Variants in MROH1 observed in about 807,000 individuals in gnomAD.
MROH1 encodes maestro heat-like repeat-containing protein family member 1.
MROH1 carries 117 observed loss-of-function variants against 116.5 expected under a neutral mutation model. The observed-to-expected ratio is 1.00, with a 90% CI of 0.86 to 1.17. The LOEUF (loss-of-function observed/expected upper bound fraction) is 1.17, where lower values mean the gene tolerates loss of function less well. MROH1 is among the 50% of genes most tolerant of loss of function. The pLI, the probability that MROH1 is intolerant of heterozygous loss-of-function variation, is 0.00. For missense variants in MROH1, 1,873 were observed against 1,338.5 expected (o/e 1.40, Z -6.23); for synonymous variants, 921 against 583.9 (o/e 1.58, Z -8.32).
intron 4 of MROH1, among the ~76,000 whole-genome samples, chr8:144,177,856 C>T (rs928637161): frequency 6.6e-5 from 10 of 152,138 alleles, no homozygotes; most frequent in East Asian, 3.8e-4. Flanking sequence ...TTTTCCACCA[C>T]GATTGTGTTT....
At chr8:144,194,718 A>G (rs1047315152) in intron 10 of MROH1, among the ~76,000 whole-genome samples, 12 of 151,670 alleles carry the variant, frequency 7.9e-5, no homozygotes, top group Admixed American at 6.6e-5. Flanking sequence ...TTCGAGACCA[A>G]CCTGGGCAAC....
intron 7 of MROH1, among the ~76,000 whole-genome samples, chr8:144,184,579 C>A (rs529771120): frequency 1.3e-5 from 2 of 152,346 alleles, no homozygotes; most frequent in Admixed American, 1.3e-4. Context: ...AGAAACAAAA[C>A]TGTAACCATT....
intron 4 of MROH1, among the ~76,000 whole-genome samples, chr8:144,170,672 A>G (rs770100143): frequency 1.3e-5 from 2 of 152,154 alleles, no homozygotes; most frequent in Middle Eastern, 3.2e-3. Flanking sequence ...GTCCTGGGGT[A>G]CTCCTGGAGC....
intron 35 of MROH1, among the ~76,000 whole-genome samples, chr8:144,258,053 G>A (rs1844239498): frequency 6.6e-6 from 1 of 152,204 alleles, no homozygotes; most frequent in Non-Finnish European, 1.5e-5. Flanking sequence ...GCCTCAGCAG[G>A]GAAGGGCTCA....
intron 14 of MROH1, among the ~76,000 whole-genome samples, chr8:144,235,970 G>A (rs1839971909): frequency 1.3e-5 from 2 of 152,166 alleles, no homozygotes; most frequent in African/African-American, 2.4e-5. Flanking sequence ...TAGTCCAGAT[G>A]TTGGAATCAG....
chr8:144,151,758 T>C (rs962952802), intron 1 of MROH1, among the ~76,000 whole-genome samples: 3 of 152,146 alleles, frequency 2.0e-5, no homozygotes, highest in Non-Finnish European at 2.9e-5. Flanking sequence ...TAAACATTCA[T>C]CCCTAGATAC....
rs974154014 is a variant in MROH1, at chr8:144,182,559, C to T, written c.562+2036C>T. On this transcript the variant is annotated intron_variant, in intron 7 of 43. Transcript: ENST00000326134. This position sits in a 1 kb window ranked among gnomAD's most constrained non-coding sequence, Gnocchi z 4.1. ...GCCACATTGAGAGAATAAAACTGAC[C>T]TTCTGTGAATTAAAGATGCCATAAT... Among the ~76,000 whole-genome samples, 4 of 152,066 alleles carry T rather than the reference C, an allele frequency of 2.6e-5. No individual in the cohort carries two copies. Among genetic ancestry groups the T allele is most frequent in the African/African-American group, 9.7e-5 (4 of 41,412 alleles).
chr8:144,154,985 T>G (rs921193629), intron 1 of MROH1, among the ~76,000 whole-genome samples: 17 of 152,142 alleles, frequency 1.1e-4, no homozygotes, highest in African/African-American at 3.9e-4. Context: ...GCCTGGCTAA[T>G]TTTTGTATTT....
chr8:144,179,209 C>T (rs951193624), intron 4 of MROH1, among the ~76,000 whole-genome samples: 5 of 152,048 alleles, frequency 3.3e-5, no homozygotes, highest in African/African-American at 1.2e-4. Flanking sequence ...AGAAGCCCCC[C>T]GCCTCGCCCT....
At chr8:144,214,204 C>T (rs1217864111) in intron 12 of MROH1, 1 of 152,252 alleles carries the variant, frequency 6.6e-6, no homozygotes, top group African/African-American at 2.4e-5. Flanking sequence ...TCCCACATAG[C>T]CAGCTCTCTT....
At chr8:144,261,605 G>A in intron 43 of MROH1, 50 bp from the exon 44 acceptor site, 1 of 701,528 alleles carries the variant, frequency 1.4e-6, no homozygotes, top group South Asian at 1.5e-5. Flanking sequence ...GCGCAGGCAT[G>A]GGCATGCCGA....
chr8:144,259,222 A>G lies in MROH1; in HGVS notation c.3930-18A>G. On this transcript the variant is annotated intron_variant, in intron 36 of 43. Coordinates refer to ENST00000326134, the MANE Select transcript of MROH1 (RefSeq NM_032450.3). ...GCACAGCAACAGCCCCTGCACCCTCAGCGGCCCCCTTTCCCAGGGCCATGG... is the reference window on the plus strand; with the variant it reads ...GCACAGCAACAGCCCCTGCACCCTCGGCGGCCCCCTTTCCCAGGGCCATGG... 1.4e-6 allele frequency: 1 copy of G among 711,770 alleles called. No homozygotes were observed. Among genetic ancestry groups the G allele is most frequent in the Middle Eastern group, 3.6e-4 (1 of 2,740 alleles). The allele number at this position is 711,770 out of a possible 1,614,324, so 44.1% of individuals were successfully genotyped here.
In MROH1 at chr8:144,190,902, C is replaced by G; in HGVS notation, c.681C>G (p.Leu227=). ...ATDIFSAYDV[L]FHQWLQSREA... is the part of the protein sequence containing the mutation. ...ACATCTTCAGCGCCTACGATGTTCT[C>G]TTCCATCAGTGGCTGCAGAGTCGAG... Residue 227 remains leucine (L), a synonymous_variant, in exon 8 of 44, where the codon CTC becomes CTG. Coordinates refer to ENST00000326134, the MANE Select transcript of MROH1 (RefSeq NM_032450.3). 1 of 1,613,638 alleles carries G rather than the reference C, an allele frequency of 6.2e-7. No individual in the cohort carries two copies. Among genetic ancestry groups the G allele is most frequent in the East Asian group, 2.2e-5 (1 of 44,890 alleles).
chr8:144,223,503 G>A (rs1837233721), intron 14 of MROH1, among the ~76,000 whole-genome samples: 1 of 152,150 alleles, frequency 6.6e-6, no homozygotes, highest in South Asian at 2.1e-4. Flanking sequence ...AGCCCCCCAA[G>A]ACTACAGGCA....
intron 21 of MROH1, 85 bp downstream of exon 21, chr8:144,241,196 G>C (rs996924372): frequency 9.3e-5 from 66 of 706,408 alleles, no homozygotes; most frequent in African/African-American, 4.0e-4. Context: ...CAGCTGGCTA[G>C]CCTGTGTGCC....
At chr8:144,212,883 ATCTAACC>A in intron 12 of MROH1, 2 of 649,468 alleles carry the variant, frequency 3.1e-6, no homozygotes, top group Non-Finnish European at 5.7e-6. Context: ...GAGCCACCGC[ATCTAACC>A]TCTTTTCTGT....
At chr8:144,210,696 C>CTA (rs1339230501) in intron 12 of MROH1, among the ~76,000 whole-genome samples, 10 of 151,824 alleles carry the variant, frequency 6.6e-5, no homozygotes, top group African/African-American at 2.2e-4. Flanking sequence ...CTCTCTCTCT[C>CTA]TCTCTATCTC....
intron 2 of MROH1, among the ~76,000 whole-genome samples, chr8:144,161,590 T>C (rs1431995922): frequency 6.6e-6 from 1 of 152,196 alleles, no homozygotes; most frequent in African/African-American, 2.4e-5. Context: ...AGTCCTTCAT[T>C]TTCTGATGTC....
At chr8:144,201,045 G>A (rs11780218) in intron 12 of MROH1, 46,260 of 151,856 alleles carry the variant, frequency 0.3, 8,812 homozygotes, top group Non-Finnish European at 0.43. Flanking sequence ...AAAAATTCAC[G>A]TTTCCTTGTT....
Sources: gnomAD v4.1 joint callset for allele counts (sites outside exome capture counted in the v4.1 genomes callset) on GRCh38, gnomAD v4.1.1 for gene constraint, Gnocchi (gnomAD v3.1) non-coding constraint, MANE v1.5 for transcripts, NCBI Gene and HGNC (gene_info 2026-07-23, HGNC 2026-07-21) for gene names.